Variants in SLC44A1 observed in about 807,000 individuals in gnomAD.
SLC44A1 encodes choline transporter-like protein 1.
In SLC44A1, 26 loss-of-function variants were observed where a neutral mutation model predicts 79.3. The observed-to-expected ratio is 0.33, with a 90% CI of 0.24 to 0.46. The LOEUF (loss-of-function observed/expected upper bound fraction) is 0.46, where lower values mean the gene tolerates loss of function less well. SLC44A1 is among the 20% of genes least tolerant of loss of function. SLC44A1 has a pLI of 1.00. For missense variants in SLC44A1, 688 were observed against 798.1 expected (o/e 0.86, Z 1.66); for synonymous variants, 263 against 286.2 (o/e 0.92, Z 0.82).
In SLC44A1 at chr9:105,263,650, C is replaced by G. The variant is rs1295502735; in HGVS notation, c.36+18746C>G. 2.6e-5 allele frequency among the ~76,000 whole-genome samples: 4 copies of G among 151,996 alleles called. No homozygotes were observed. In the East Asian group the frequency reaches 7.7e-4, roughly 29 times the overall value. On this transcript the variant is annotated intron_variant, in intron 1 of 15. Transcript: ENST00000374720. ...TCCCGGGTTCAAGTGATTCTCCTGC[C>G]TCAGCCTCCCTAGTAGCTGGGATTA...
At chr9:105,329,015 AC>A (rs1826668047) in intron 3 of SLC44A1, among the ~76,000 whole-genome samples, 1 of 152,024 alleles carries the variant, frequency 6.6e-6, no homozygotes, top group Admixed American at 6.5e-5. Flanking sequence ...CCTTGCTGGT[AC>A]CCCAACACCA....
intron 2 of SLC44A1, among the ~76,000 whole-genome samples, chr9:105,305,842 C>CTTTTT (rs1564426808): frequency 7.4e-6 from 1 of 134,382 alleles, no homozygotes. Context: ...AAAAGTGTGT[C>CTTTTT]CTTTTTTTTT....
chr9:105,342,989 T>A (rs1024671237), intron 4 of SLC44A1, among the ~76,000 whole-genome samples: 43 of 141,214 alleles, frequency 3.0e-4, no homozygotes, highest in South Asian at 1.8e-3. Flanking sequence ...AAAAAAAAAA[T>A]ATATATATAT....
At position 105,356,222 on chromosome 9, in the gene SLC44A1, C is replaced by T. The variant is rs780351376; in HGVS notation, c.511C>T (p.Pro171Ser). 2 of 1,612,174 alleles carry T rather than the reference C, an allele frequency of 1.2e-6. No individual in the cohort carries two copies. The highest frequency in any genetic ancestry group is 8.5e-7 in the Non-Finnish European group (1 of 1,179,332). Residue 171 changes from proline (P) to serine (S), a missense_variant, in exon 6 of 16, where the codon CCA becomes TCA. Pro to Ser is a moderately conservative substitution (Grantham distance 74). Coordinates refer to ENST00000374720, the MANE Select transcript of SLC44A1 (RefSeq NM_080546.5). The part of the protein sequence containing the change: ...KLPVPASAPI[P>S]FFHRCAPVNI... ...TTCTTGTGTCACCAGTGCACCTATT[C>T]CATTCTTCCATCGCTGTGCTCCTGT...
At chr9:105,370,452 A>G (rs1209675601) in intron 12 of SLC44A1, among the ~76,000 whole-genome samples, 1 of 152,204 alleles carries the variant, frequency 6.6e-6, no homozygotes, top group Non-Finnish European at 1.5e-5. Context: ...ATTTCTGGAC[A>G]TTCGACCCTC....
rs188123761 is a variant in SLC44A1, at chr9:105,410,895, A to G, written c.1950+25393A>G. On this transcript the variant is annotated intron_variant, in intron 15 of 15. Transcript: ENST00000374724. ...CTCATACATGCAACAACATGGATGA[A>G]CCTTGAAAACATGATGCTAAGGGGA... 3.4e-3 allele frequency among the ~76,000 whole-genome samples: 523 copies of G among 152,320 alleles called. 2 individuals carry two copies. The highest frequency in any genetic ancestry group is 4.4e-3 in the Non-Finnish European group (299 of 68,032).
At chr9:105,380,225 T>G (rs1828419862) in intron 13 of SLC44A1, among the ~76,000 whole-genome samples, 1 of 152,230 alleles carries the variant, frequency 6.6e-6, no homozygotes, top group African/African-American at 2.4e-5. Context: ...ATTCCGTAAT[T>G]CAAATCTACA....
chr9:105,357,420 G>A (rs1336246259), intron 6 of SLC44A1, among the ~76,000 whole-genome samples: 8 of 152,134 alleles, frequency 5.3e-5, no homozygotes, highest in Non-Finnish European at 2.9e-5. Context: ...TTAAAAAATA[G>A]TGCCAATAAT....
At chr9:105,358,125 A>G (rs1236205195) in intron 6 of SLC44A1, among the ~76,000 whole-genome samples, 1 of 152,172 alleles carries the variant, frequency 6.6e-6, no homozygotes, top group Non-Finnish European at 1.5e-5. Context: ...TGTAGTTTAT[A>G]AACCCACAGT....
intron 3 of SLC44A1, among the ~76,000 whole-genome samples, chr9:105,329,244 C>T (rs1339110335): frequency 6.6e-6 from 1 of 152,214 alleles, no homozygotes; most frequent in African/African-American, 2.4e-5. Flanking sequence ...AATGATCAGA[C>T]TCCATTTTTA....
Position 105,395,050 on chromosome 9 carries a change from T to C in SLC44A1, c.*5994T>C, listed in dbSNP as rs964990999. Reference sequence around the variant, plus strand: ...AGAAACTCATCAAGGGGTTTGAAGTTCTTGTGAAATTTGATCCCAGTGGCT... The same window carrying C: ...AGAAACTCATCAAGGGGTTTGAAGTCCTTGTGAAATTTGATCCCAGTGGCT... On this transcript the variant is annotated 3_prime_UTR_variant, in exon 16 of 16. Transcript: ENST00000374720. 1 of 985,262 alleles carries C rather than the reference T, an allele frequency of 1.0e-6. No individual in the cohort carries two copies. The highest frequency in any genetic ancestry group is 1.2e-6 in the Non-Finnish European group (1 of 829,946). The allele number at this position is 985,262 out of a possible 1,614,324, so 61.0% of individuals were successfully genotyped here.
intron 1 of SLC44A1, among the ~76,000 whole-genome samples, chr9:105,257,936 G>T (rs1829749802): frequency 6.6e-6 from 1 of 152,192 alleles, no homozygotes; most frequent in Non-Finnish European, 1.5e-5. Flanking sequence ...AGTTTTCAGA[G>T]TGGTTTAAGG....
At chr9:105,416,393 C>G (rs1829171073) in intron 15 of SLC44A1, among the ~76,000 whole-genome samples, 1 of 151,516 alleles carries the variant, frequency 6.6e-6, no homozygotes, top group African/African-American at 2.4e-5. Context: ...GGGAGGCTCA[C>G]AGTTGAGGGA....
At chr9:105,284,343 G>A (rs912883246) in intron 1 of SLC44A1, among the ~76,000 whole-genome samples, 1 of 151,634 alleles carries the variant, frequency 6.6e-6, no homozygotes. Context: ...GGGATTATAG[G>A]CATGAGCCAC....
Position 105,388,957 on chromosome 9 carries a change from T to C in SLC44A1, c.1951-76T>C. On this transcript the variant is annotated intron_variant, in intron 15 of 15. Transcript: ENST00000374720. Reference sequence around the variant, plus strand: ...GTCTTGCTGTTTGTGACCATGTGTATATTTGTAACATCATTCATGATCTCC... The same window carrying C: ...GTCTTGCTGTTTGTGACCATGTGTACATTTGTAACATCATTCATGATCTCC... 5 of 1,106,100 alleles carry C rather than the reference T, an allele frequency of 4.5e-6. No homozygotes were observed. In the South Asian group the frequency reaches 5.1e-5, roughly 11 times the overall value. 68.5% of individuals were successfully genotyped at this position (1,106,100 alleles called of 1,614,324 possible).
At chr9:105,380,555 CATTT>C (rs1211644623) in intron 13 of SLC44A1, among the ~76,000 whole-genome samples, 1 of 151,976 alleles carries the variant, frequency 6.6e-6, no homozygotes, top group African/African-American at 2.4e-5. Flanking sequence ...AATATATTTA[CATTT>C]ATTTATCAAA....
intron 15 of SLC44A1, among the ~76,000 whole-genome samples, chr9:105,404,705 C>T (rs1829006306): frequency 6.6e-6 from 1 of 152,152 alleles, no homozygotes; most frequent in African/African-American, 2.4e-5. Context: ...TCCTTATTTT[C>T]TGATGCCTAA....
chr9:105,388,889 G>C, intron 15 of SLC44A1, 144 bp from the exon 16 acceptor site: 1 of 668,750 alleles, frequency 1.5e-6, no homozygotes, highest in South Asian at 1.7e-5. Flanking sequence ...AAGAATTTCA[G>C]CTCCAGGAAT....
At chr9:105,420,262 C>T (rs1829228484) in intron 15 of SLC44A1, among the ~76,000 whole-genome samples, 1 of 152,148 alleles carries the variant, frequency 6.6e-6, no homozygotes, top group Non-Finnish European at 1.5e-5. Flanking sequence ...TATTTTACTT[C>T]TTGTTAGAGT....
Sources: allele counts gnomAD v4.1 joint callset (sites outside exome capture counted in the v4.1 genomes callset), GRCh38; gene constraint gnomAD v4.1.1; transcripts MANE v1.5; gene names NCBI Gene and HGNC (gene_info 2026-07-23, HGNC 2026-07-21).